GSE1: variants seen among roughly 807,000 people sequenced by gnomAD.
GSE1 encodes Gse1 coiled-coil protein.
In GSE1, 32 loss-of-function variants were observed where a neutral mutation model predicts 112.6. The observed-to-expected ratio is 0.28, with a 90% CI of 0.21 to 0.38. The LOEUF (loss-of-function observed/expected upper bound fraction) is 0.38, where lower values mean the gene tolerates loss of function less well. Ranked by LOEUF, GSE1 falls within the 10% of genes least tolerant of loss-of-function variation. The probability of loss-of-function intolerance (pLI) is 1.00; values close to 1 mark genes in which losing one functional copy is unlikely to be tolerated. For synonymous variants in GSE1, 1,115 were observed against 735.6 expected (o/e 1.52, Z -8.35); for missense variants, 2,348 against 1,699.2 (o/e 1.38, Z -6.71).
intron 1 of GSE1, among the ~76,000 whole-genome samples, chr16:85,351,489 C>A (rs1217430828): frequency 4.0e-5 from 6 of 151,318 alleles, no homozygotes; most frequent in Admixed American, 2.6e-4. Flanking sequence ...AGACAGAGAG[C>A]AAATGAGTGA....
chr16:85,206,735 G>A (rs964623818), intron 1 of GSE1, among the ~76,000 whole-genome samples: 18 of 150,026 alleles, frequency 1.2e-4, no homozygotes, highest in African/African-American at 2.7e-4. Flanking sequence ...ATCTCCCAGC[G>A]CCTCTTGGAG....
chr16:85,179,913 C>T (rs1051291599), intron 1 of GSE1, among the ~76,000 whole-genome samples: 4 of 152,218 alleles, frequency 2.6e-5, no homozygotes, highest in Non-Finnish European at 5.9e-5. Context: ...CAGTTTTCCC[C>T]TCTGGAAAAT....
At chr16:85,512,377 G>A (rs1277717353) in intron 2 of GSE1, among the ~76,000 whole-genome samples, 1 of 152,184 alleles carries the variant, frequency 6.6e-6, no homozygotes, top group African/African-American at 2.4e-5. Flanking sequence ...AGCGAGGCCT[G>A]GGTTCTCCAG....
intron 2 of GSE1, among the ~76,000 whole-genome samples, chr16:85,360,219 C>A (rs1431114471): frequency 1.3e-5 from 2 of 152,012 alleles, no homozygotes; most frequent in Non-Finnish European, 2.9e-5. Context: ...GTCCTTGCTG[C>A]AACTCACTGC....
At chr16:85,354,362 G>A (rs781610152) in intron 1 of GSE1, among the ~76,000 whole-genome samples, 2 of 152,216 alleles carry the variant, frequency 1.3e-5, no homozygotes, top group Non-Finnish European at 2.9e-5. Context: ...TTGTTGGAAG[G>A]ATTAACTATG....
intron 2 of GSE1, among the ~76,000 whole-genome samples, chr16:85,639,683 G>C (rs1366011223): frequency 6.6e-6 from 1 of 152,262 alleles, no homozygotes; most frequent in Admixed American, 6.5e-5. Context: ...CCTGAGCCAG[G>C]CTGGGGTGTG....
At chr16:85,666,602 C>G (rs75385433) in intron 13 of GSE1, 8 of 526,882 alleles carry the variant, frequency 1.5e-5, no homozygotes, top group Non-Finnish European at 2.7e-5. Context: ...AGGGACGCAT[C>G]GATCGGTAAG....
In GSE1 at chr16:85,309,599, C is replaced by G. The variant is rs142195403; in HGVS notation, c.2284-47864C>G. The stretch of plus-strand genomic sequence containing the variant: ...CATCCAAAATAGCGTCCTCGAGGCA[C>G]GTGGCCCACCCCCCGGATCTGGCCG... On this transcript the variant is annotated intron_variant, in intron 1 of 2. Transcript: ENST00000637419. Among the ~76,000 whole-genome samples, 518 of 152,362 alleles carry G rather than the reference C, an allele frequency of 3.4e-3. 2 individuals are homozygous for G. Among genetic ancestry groups the G allele is most frequent in the Admixed American group, 5.2e-3 (80 of 15,308 alleles).
chr16:85,424,503 G>T (rs1378419045), intron 2 of GSE1, among the ~76,000 whole-genome samples: 1 of 152,220 alleles, frequency 6.6e-6, no homozygotes, highest in East Asian at 1.9e-4. Flanking sequence ...CGCCAGCCAT[G>T]CCTCTAGCCC....
intron 2 of GSE1, among the ~76,000 whole-genome samples, chr16:85,386,955 A>G (rs1016552408): frequency 3.9e-5 from 6 of 152,162 alleles, no homozygotes. Flanking sequence ...CTCCCACTGA[A>G]GGTTCTGGGG....
At chr16:85,200,300 C>T (rs1170448505) in intron 1 of GSE1, among the ~76,000 whole-genome samples, 1 of 151,730 alleles carries the variant, frequency 6.6e-6, no homozygotes, top group Non-Finnish European at 1.5e-5. Context: ...TCTCCCACGG[C>T]AGGTGGGCTC....
chr16:85,331,481 G>GTGTATATGTGTATGTATATA (rs2046354739), intron 1 of GSE1, among the ~76,000 whole-genome samples: 2 of 125,592 alleles, frequency 1.6e-5, no homozygotes, highest in East Asian at 4.8e-4. Flanking sequence ...ATGTATATAT[G>GTGTATATGTGTATGTATATA]TGTATATATG....
chr16:85,339,183 T>G (rs1251835169), intron 1 of GSE1, among the ~76,000 whole-genome samples: 1 of 152,196 alleles, frequency 6.6e-6, no homozygotes, highest in Non-Finnish European at 1.5e-5. Context: ...AGGCCCGTAG[T>G]AGTTCTCATG....
chr16:85,213,113 C>T (rs1308066976), intron 1 of GSE1, among the ~76,000 whole-genome samples: 1 of 151,830 alleles, frequency 6.6e-6, no homozygotes, highest in East Asian at 1.9e-4. Flanking sequence ...TACTAAAATA[C>T]AAAAAATTAG....
At chr16:85,462,435 T>C (rs1224689981) in intron 2 of GSE1, among the ~76,000 whole-genome samples, 1 of 151,606 alleles carries the variant, frequency 6.6e-6, no homozygotes, top group East Asian at 2.0e-4. Context: ...TCCTCCCTGA[T>C]GAAAAATACA....
intron 1 of GSE1, among the ~76,000 whole-genome samples, chr16:85,560,714 G>T (rs2151285313): frequency 6.6e-6 from 1 of 152,198 alleles, no homozygotes; most frequent in African/African-American, 2.4e-5. Flanking sequence ...ATGTATGTAT[G>T]CCTAGATCCC....
At chr16:85,260,308 CT>C (rs1204064353) in intron 1 of GSE1, among the ~76,000 whole-genome samples, 1 of 134,250 alleles carries the variant, frequency 7.4e-6, no homozygotes, top group Non-Finnish European at 1.6e-5. Flanking sequence ...TTTCCTTTTT[CT>C]TTTTCTTTTC....
chr16:85,557,110 A>C (rs2045267191), intron 1 of GSE1, among the ~76,000 whole-genome samples: 1 of 152,092 alleles, frequency 6.6e-6, no homozygotes, highest in Non-Finnish European at 1.5e-5. Flanking sequence ...AAACCTTAAA[A>C]AAAATTAAGT....
chr16:85,491,034 G>C (rs2050995010), intron 2 of GSE1, among the ~76,000 whole-genome samples: 1 of 152,166 alleles, frequency 6.6e-6, no homozygotes, highest in Non-Finnish European at 1.5e-5. Context: ...CTGGCCGCCA[G>C]GGTACCCCAA....
Sources: allele counts gnomAD v4.1 joint callset (sites outside exome capture counted in the v4.1 genomes callset), GRCh38; gene constraint gnomAD v4.1.1; transcripts MANE v1.5; gene names NCBI Gene and HGNC (gene_info 2026-07-23, HGNC 2026-07-21).